The following SHF variants were observed in gnomAD, a reference collection of about 807,000 sequenced individuals.
The protein encoded by SHF is SH2 domain-containing adapter protein F.
In SHF, 30 loss-of-function variants were observed where a neutral mutation model predicts 42.4. The observed-to-expected ratio is 0.71, with a 90% CI of 0.53 to 0.96. The LOEUF (loss-of-function observed/expected upper bound fraction) is 0.96. Among genes scored for constraint, SHF ranks in the 40% least tolerant of loss-of-function variants. SHF has a pLI of 0.00. For synonymous variants in SHF, 264 were observed against 269.9 expected (o/e 0.98, Z 0.21); for missense variants, 598 against 634.0 (o/e 0.94, Z 0.61).
At chr15:45,189,187 C>T (rs1175749358), upstream of SHF, among the ~76,000 whole-genome samples, 1 of 138,814 alleles carries the variant, frequency 7.2e-6, no homozygotes, top group Non-Finnish European at 1.5e-5. Flanking sequence ...AGTGAGACTC[C>T]GTCTCAAAAA....
intron 6 of SHF, 100 bp from the exon 7 acceptor site, chr15:45,168,233 T>G: frequency 8.5e-7 from 1 of 1,179,606 alleles, no homozygotes; most frequent in South Asian, 1.8e-5. Flanking sequence ...AATGTGGTGG[T>G]TCCGAAGCCA....
At chr15:45,168,646 G>A (rs1222847951) in intron 6 of SHF, among the ~76,000 whole-genome samples, 2 of 152,158 alleles carry the variant, frequency 1.3e-5, no homozygotes, top group Non-Finnish European at 2.9e-5. Flanking sequence ...CTAGGGGGAA[G>A]GGGGAAGCTG....
chr15:45,172,833 C>A (rs1433697246), intron 4 of SHF, among the ~76,000 whole-genome samples: 1 of 152,144 alleles, frequency 6.6e-6, no homozygotes, highest in East Asian at 1.9e-4. Context: ...CCTGTCCCTC[C>A]CCGACCCCCA....
At chr15:45,169,844 C>T (rs1306006824) in intron 6 of SHF, among the ~76,000 whole-genome samples, 3 of 152,358 alleles carry the variant, frequency 2.0e-5, no homozygotes, top group Non-Finnish European at 4.4e-5. Flanking sequence ...GCCAGACCCT[C>T]AGGGTACTGG....
At chr15:45,189,726 C>A (rs932903886), upstream of SHF, among the ~76,000 whole-genome samples, 3 of 146,450 alleles carry the variant, frequency 2.0e-5, no homozygotes, top group Non-Finnish European at 3.0e-5. Context: ...GCCAAGAGGC[C>A]CCAAAGGAAA....
At chr15:45,172,111 TG>T (rs1187961963) in intron 5 of SHF, 35 bp downstream of exon 5, 1 of 1,612,316 alleles carries the variant, frequency 6.2e-7, no homozygotes, top group African/African-American at 1.3e-5. Flanking sequence ...AGGGGAGGAG[TG>T]GGGAGGGAGT....
chr15:45,198,725 C>A (rs762863015), intron 2 of SHF: 7 of 1,567,306 alleles, frequency 4.5e-6, no homozygotes, highest in Non-Finnish European at 5.2e-6. Flanking sequence ...TCCTCTTCAA[C>A]AGTCATAGGC....
At chr15:45,196,024 A>T (rs1331276449) in intron 2 of SHF, among the ~76,000 whole-genome samples, 1 of 152,206 alleles carries the variant, frequency 6.6e-6, no homozygotes, top group Admixed American at 6.5e-5. Context: ...GTGTTTAAAA[A>T]AATAATTGAA....
At chr15:45,171,790 G>T in intron 6 of SHF, 93 bp downstream of exon 6, 1 of 1,379,016 alleles carries the variant, frequency 7.3e-7, no homozygotes. Flanking sequence ...ATGGGGGATG[G>T]GGACCTCCCC....
At chr15:45,189,615 C>A (rs1898650101), upstream of SHF, among the ~76,000 whole-genome samples, 1 of 152,010 alleles carries the variant, frequency 6.6e-6, no homozygotes, top group Non-Finnish European at 1.5e-5. Context: ...GTCTCGAACT[C>A]CTGACCTCAA....
Position 45,198,600 on chromosome 15 carries a change from C to CA in SHF, c.303+171_303+172insT, listed in dbSNP as rs1449190761. On this transcript the variant is annotated intron_variant, in intron 2 of 7. Transcript: ENST00000290894. ...CGAGCCCCTTGCCGTGCCATTGTTC[C>CA]CACAATGCCGTGACTCGGATTCGAA... 8.5e-6 allele frequency: 6 copies of CA among 702,550 alleles called. No individual in the cohort carries two copies. In the African/African-American group the frequency reaches 1.1e-4, roughly 13 times the overall value. The allele number at this position is 702,550 out of a possible 1,614,324, so 43.5% of individuals were successfully genotyped here.
chr15:45,200,698 G>A lies in SHF; in HGVS notation c.-47+29C>T, dbSNP rs114953104. On this transcript the variant is annotated intron_variant, in intron 1 of 7. Transcript: ENST00000290894. ...AGACACGGTGGCCGATTTCTCCACC[G>A]TGGAGGCTGCTCTTGGGGTTCCCCT... The A allele has an allele frequency of 2.4e-3, 1,073 of 456,050 alleles. 11 individuals carry two copies. Among genetic ancestry groups the A allele is most frequent in the African/African-American group, 0.02 (989 of 50,180 alleles). 28.3% of individuals were successfully genotyped at this position (456,050 alleles called of 1,614,324 possible).
chr15:45,195,403 T>C (rs1291102937), intron 2 of SHF, among the ~76,000 whole-genome samples: 1 of 152,236 alleles, frequency 6.6e-6, no homozygotes, highest in Non-Finnish European at 1.5e-5. Flanking sequence ...CCATGACTTC[T>C]AAATGTCAAA....
At chr15:45,191,858 G>C (rs773273958), upstream of SHF, among the ~76,000 whole-genome samples, 15 of 151,562 alleles carry the variant, frequency 9.9e-5, no homozygotes, top group Non-Finnish European at 1.6e-4. Context: ...GGTGGCCGAG[G>C]TGGGCGGATC....
intron 1 of SHF, among the ~76,000 whole-genome samples, chr15:45,179,356 G>A (rs544366947): frequency 6.6e-6 from 1 of 152,358 alleles, no homozygotes; most frequent in South Asian, 2.1e-4. Context: ...TCCTGGGAGA[G>A]AGAATGCTGG....
At chr15:45,180,603 A>G (rs1249888707) in intron 1 of SHF, among the ~76,000 whole-genome samples, 1 of 152,208 alleles carries the variant, frequency 6.6e-6, no homozygotes, top group Non-Finnish European at 1.5e-5. Flanking sequence ...AGAAAGCTGC[A>G]TGTTCTTTCT....
chr15:45,178,046 A>C, intron 2 of SHF, 119 bp downstream of exon 2: 6 of 1,386,024 alleles, frequency 4.3e-6, no homozygotes, highest in Non-Finnish European at 5.8e-6. Context: ...AAGGACCTGG[A>C]AAAGACTTTC....
intron 1 of SHF, among the ~76,000 whole-genome samples, chr15:45,182,863 T>G (rs1052428227): frequency 2.0e-5 from 3 of 152,242 alleles, no homozygotes; most frequent in Admixed American, 1.3e-4. Flanking sequence ...GTCCTTCTCC[T>G]ATTTTATCTG....
At chr15:45,201,010 G>A (rs1282803987) in exon 1 of SHF, 2 of 347,876 alleles carry the variant, frequency 5.7e-6, no homozygotes, top group Non-Finnish European at 1.1e-5. Context: ...AGTCCACAGC[G>A]CTCCCGGCTG....
Sources: allele counts gnomAD v4.1 joint callset (sites outside exome capture counted in the v4.1 genomes callset), GRCh38; gene constraint gnomAD v4.1.1; transcripts MANE v1.5; gene names NCBI Gene and HGNC (gene_info 2026-07-23, HGNC 2026-07-21).